The following MBD5 variants were observed in gnomAD, a reference collection of about 807,000 sequenced individuals.
The protein encoded by MBD5 is methyl-CpG binding domain protein 5, also known as methyl-CpG-binding domain protein 5.
A neutral mutation model predicts 117.3 loss-of-function variants in MBD5; 13 were observed. That is an observed-to-expected ratio of 0.11 (90% confidence interval 0.07 to 0.18). MBD5 has a LOEUF of 0.18. Among genes scored for constraint, MBD5 ranks in the 10% least tolerant of loss-of-function variants. MBD5 has a pLI of 1.00. For missense variants in MBD5, 1,879 were observed against 2,093.8 expected, an observed-to-expected ratio of 0.90 and a Z score of 2.00; for synonymous variants, 727 against 766.4, an observed-to-expected ratio of 0.95 and a Z score of 0.85.
intron 4 of MBD5, among the ~76,000 whole-genome samples, chr2:148,393,932 T>C (rs1704634035): frequency 1.3e-5 from 2 of 152,184 alleles, no homozygotes; most frequent in Admixed American, 6.5e-5. Flanking sequence ...TGAGGATATA[T>C]TGAAATTTTG....
chr2:148,102,623 T>C (rs1016572285), intron 1 of MBD5, among the ~76,000 whole-genome samples: 1 of 151,690 alleles, frequency 6.6e-6, no homozygotes, highest in South Asian at 2.1e-4. Flanking sequence ...TTGATTTTGA[T>C]TTCACATTTA....
intron 1 of MBD5, among the ~76,000 whole-genome samples, chr2:148,098,394 G>A (rs1487925598): frequency 6.6e-6 from 1 of 152,140 alleles, no homozygotes; most frequent in Non-Finnish European, 1.5e-5. Context: ...AGATATCAAA[G>A]TGTTTATATC....
intron 1 of MBD5, among the ~76,000 whole-genome samples, chr2:148,113,679 C>T (rs1696553669): frequency 6.6e-6 from 1 of 152,106 alleles, no homozygotes; most frequent in Admixed American, 6.5e-5. Flanking sequence ...CATCACTTTG[C>T]CTTTCAACTC....
intron 4 of MBD5, among the ~76,000 whole-genome samples, chr2:148,403,945 C>T (rs10176383): frequency 0.55 from 82,989 of 151,808 alleles, 22,943 homozygotes; most frequent in East Asian, 0.75. Context: ...TAAAAGTTTG[C>T]CATTTCAAAA....
chr2:148,065,542 A>G (rs1217278771), intron 1 of MBD5, among the ~76,000 whole-genome samples: 5 of 152,212 alleles, frequency 3.3e-5, no homozygotes, highest in Admixed American at 6.5e-5. Context: ...TGAAATCATC[A>G]TTCAACAAAA....
chr2:148,338,167 A>G (rs1488724101), intron 3 of MBD5, among the ~76,000 whole-genome samples: 1 of 152,172 alleles, frequency 6.6e-6, no homozygotes, highest in African/African-American at 2.4e-5. Flanking sequence ...TAATTTTTCT[A>G]AAGGAATAAA....
At position 148,323,263 on chromosome 2, in the gene MBD5, G is replaced by C. The variant is rs567220404; in HGVS notation, c.-679-18951G>C. On this transcript the variant is annotated intron_variant, in intron 3 of 13. Coordinates refer to ENST00000642680, the MANE Select transcript of MBD5 (RefSeq NM_001378120.1). ...ACTATGATTGTTGGACATTTGGGTT[G>C]GTTCCAAGTCTTTGCTATTCTGAAT... Among the ~76,000 whole-genome samples the C allele has an allele frequency of 1.2e-3, 184 of 152,164 alleles. 1 individual carries two copies. Among genetic ancestry groups the C allele is most frequent in the African/African-American group, 4.2e-3 (175 of 41,502 alleles).
intron 1 of MBD5, among the ~76,000 whole-genome samples, chr2:148,174,060 T>C (rs1375302734): frequency 6.6e-6 from 1 of 152,016 alleles, no homozygotes; most frequent in East Asian, 1.9e-4. Context: ...CCTATAGTAA[T>C]TAAAAATACT....
At chr2:148,321,683 C>T (rs750658780) in intron 3 of MBD5, among the ~76,000 whole-genome samples, 1 of 152,126 alleles carries the variant, frequency 6.6e-6, no homozygotes, top group Admixed American at 6.6e-5. Context: ...ACTTTTTTAC[C>T]TTTGTGCTTT....
At chr2:148,207,310 A>G (rs1347164162) in intron 2 of MBD5, among the ~76,000 whole-genome samples, 1 of 152,218 alleles carries the variant, frequency 6.6e-6, no homozygotes, top group Non-Finnish European at 1.5e-5. Context: ...ATTCAATCAC[A>G]GAAACTTCTA....
intron 3 of MBD5, chr2:148,295,677 G>C (rs557764413): frequency 1.5e-3 from 235 of 153,314 alleles, no homozygotes; most frequent in Non-Finnish European, 2.7e-3. Flanking sequence ...TGTCATCAAA[G>C]GACAAGCAGA....
chr2:148,485,850 T>G lies in MBD5; in HGVS notation c.3653T>G (p.Leu1218Arg). The change falls in exon 10 of 14, where the codon CTT (leucine) becomes CGT (arginine). Residue 1218 changes from leucine to arginine, a missense_variant. Transcript: ENST00000642680. ...CCTCCAAATCAGCAACAGCAGCAAC[T>G]TCTCCAGGGGTACCAGAATCTCCAG... is the stretch of plus-strand genomic sequence containing the variant. ...MFPPNQQQQQLLQGYQNLQAF... is the reference protein window; with the variant it reads ...MFPPNQQQQQRLQGYQNLQAF... The G allele has an allele frequency of 1.2e-6, 2 of 1,614,128 alleles. No homozygotes were observed. The highest frequency in any genetic ancestry group is 1.7e-6 in the Non-Finnish European group (2 of 1,179,980).
At chr2:148,043,581 C>T (rs1266987972) in intron 1 of MBD5, among the ~76,000 whole-genome samples, 1 of 152,186 alleles carries the variant, frequency 6.6e-6, no homozygotes, top group Non-Finnish European at 1.5e-5. Context: ...TTGAGAATCA[C>T]TGCTCTAGAG....
intron 4 of MBD5, among the ~76,000 whole-genome samples, chr2:148,382,479 G>A (rs1292851430): frequency 6.6e-6 from 1 of 152,114 alleles, no homozygotes; most frequent in Non-Finnish European, 1.5e-5. Context: ...CCTACAAAGT[G>A]ACTTAGACTC....
At chr2:148,042,037 C>T (rs539565891) in intron 1 of MBD5, among the ~76,000 whole-genome samples, 2 of 152,266 alleles carry the variant, frequency 1.3e-5, no homozygotes, top group Admixed American at 6.5e-5. Flanking sequence ...TCTTCTACTT[C>T]GTTGTTTACT....
intron 3 of MBD5, among the ~76,000 whole-genome samples, chr2:148,309,676 C>T (rs770251269): frequency 6.6e-6 from 1 of 152,110 alleles, no homozygotes; most frequent in Non-Finnish European, 1.5e-5. Context: ...ACTTCAAATA[C>T]TATATCGAAT....
At chr2:148,271,910 A>T (rs1178276893) in intron 3 of MBD5, among the ~76,000 whole-genome samples, 1 of 152,180 alleles carries the variant, frequency 6.6e-6, no homozygotes, top group East Asian at 1.9e-4. Flanking sequence ...GTCCAGCTGA[A>T]ATTCTGTACC....
At chr2:148,456,693 C>G (rs1706894261) in intron 4 of MBD5, among the ~76,000 whole-genome samples, 1 of 152,086 alleles carries the variant, frequency 6.6e-6, no homozygotes, top group Non-Finnish European at 1.5e-5. Flanking sequence ...GCTTGAGACC[C>G]CATTGGAATT....
At chr2:148,478,742 T>C (rs558601179) in intron 8 of MBD5, among the ~76,000 whole-genome samples, 53 of 152,326 alleles carry the variant, frequency 3.5e-4, no homozygotes, top group Non-Finnish European at 1.5e-5. Flanking sequence ...AAAGAAAGTA[T>C]GCCAGTTCAT....
Sources: gnomAD v4.1 joint callset for allele counts (sites outside exome capture counted in the v4.1 genomes callset) on GRCh38, gnomAD v4.1.1 for gene constraint, MANE v1.5 for transcripts, NCBI Gene and HGNC (gene_info 2026-07-23, HGNC 2026-07-21) for gene names.